Variants in CATSPERB observed in about 807,000 individuals in gnomAD.
The protein encoded by CATSPERB is cation channel sperm-associated auxiliary subunit beta.
In CATSPERB, 93 loss-of-function variants were observed where a neutral mutation model predicts 128.3. That is an observed-to-expected ratio of 0.72 (90% CI 0.61 to 0.86). The LOEUF is 0.86. Ranked by LOEUF, CATSPERB falls within the 40% of genes least tolerant of loss-of-function variation. CATSPERB has a pLI of 0.00. For synonymous variants in CATSPERB, 381 were observed against 448.8 expected (o/e 0.85, Z 1.91); for missense variants, 1,153 against 1,329.5 (o/e 0.87, Z 2.06).
At chr14:91,597,992 T>G (rs959550119) in intron 22 of CATSPERB, among the ~76,000 whole-genome samples, 10 of 150,596 alleles carry the variant, frequency 6.6e-5, no homozygotes, top group African/African-American at 2.2e-4. Context: ...AAGTTTTTGT[T>G]TTTTTTTTTA....
At chr14:91,729,369 G>A in intron 2 of CATSPERB, 32 bp downstream of exon 2, 1 of 1,006,342 alleles carries the variant, frequency 9.9e-7, no homozygotes, top group Non-Finnish European at 1.5e-6. Context: ...CTCCTGAGAA[G>A]GAAATAGAGA....
intron 22 of CATSPERB, among the ~76,000 whole-genome samples, chr14:91,599,223 T>G (rs1893565459): frequency 6.6e-6 from 1 of 152,166 alleles, no homozygotes; most frequent in African/African-American, 2.4e-5. Context: ...GTTACCAAAA[T>G]GTGAACCTAG....
At chr14:91,653,129 T>C (rs1243866606) in intron 15 of CATSPERB, among the ~76,000 whole-genome samples, 1 of 152,180 alleles carries the variant, frequency 6.6e-6, no homozygotes, top group East Asian at 1.9e-4. Flanking sequence ...AGAAACTTCG[T>C]CATTTAAAAT....
At chr14:91,624,505 G>T (rs557907996) in intron 18 of CATSPERB, among the ~76,000 whole-genome samples, 1 of 152,136 alleles carries the variant, frequency 6.6e-6, no homozygotes, top group African/African-American at 2.4e-5. Flanking sequence ...GCTGGGTGTG[G>T]TGGCACATGC....
intron 19 of CATSPERB, 57 bp from the exon 20 acceptor site, chr14:91,617,793 A>C: frequency 8.3e-7 from 1 of 1,207,010 alleles, no homozygotes; most frequent in Non-Finnish European, 1.2e-6. Context: ...AACTCAATTG[A>C]ATAATGATTG....
At chr14:91,626,625 A>G (rs1246128650) in intron 17 of CATSPERB, among the ~76,000 whole-genome samples, 4 of 152,076 alleles carry the variant, frequency 2.6e-5, no homozygotes, top group African/African-American at 9.7e-5. Flanking sequence ...TGAGTGCTTC[A>G]TATGCGTGCT....
chr14:91,708,311 A>G, intron 5 of CATSPERB, 75 bp from the exon 6 acceptor site: 1 of 881,974 alleles, frequency 1.1e-6, no homozygotes, highest in Non-Finnish European at 1.8e-6. Flanking sequence ...GGATATGTGA[A>G]CATTACCAAC....
At chr14:91,717,396 G>A (rs1041397142) in intron 5 of CATSPERB, among the ~76,000 whole-genome samples, 1 of 152,196 alleles carries the variant, frequency 6.6e-6, no homozygotes, top group Non-Finnish European at 1.5e-5. Context: ...GGCAAATTAT[G>A]TAGTGTAAAT....
Position 91,651,960 on chromosome 14 carries a change from T to C in CATSPERB, c.1432+7877A>G, listed in dbSNP as rs189778307. 3.2e-4 allele frequency among the ~76,000 whole-genome samples: 49 copies of C among 152,288 alleles called. 1 individual carries two copies. Among genetic ancestry groups the C allele is most frequent in the Admixed American group, 2.5e-3 (38 of 15,288 alleles). On this transcript the variant is annotated intron_variant, in intron 15 of 26. Coordinates refer to ENST00000256343, the MANE Select transcript of CATSPERB (RefSeq NM_024764.4). ...AAATTAGAGATTTTACTTTGATCTG[T>C]ATATAAAATCTAAAACAACCAATTT...
At chr14:91,597,314 T>G (rs1169567734) in intron 22 of CATSPERB, among the ~76,000 whole-genome samples, 2 of 152,178 alleles carry the variant, frequency 1.3e-5, no homozygotes, top group Non-Finnish European at 2.9e-5. Flanking sequence ...AAGTGATAAT[T>G]CCAGCATTCC....
chr14:91,691,364 C>A (rs966125881), intron 10 of CATSPERB, among the ~76,000 whole-genome samples, 159 bp downstream of exon 10: 4 of 151,866 alleles, frequency 2.6e-5, no homozygotes, highest in African/African-American at 9.7e-5. Context: ...ATATATGCTA[C>A]AAATTCATAT....
Position 91,589,526 on chromosome 14 carries a change from A to G in CATSPERB, c.2956+8T>C. On this transcript the variant is annotated splice_region_variant and intron_variant, in intron 24 of 26. Transcript: ENST00000256343. ...GATAAAATAATTACAGATGAAAGCA[A>G]ACCCTACTCAGTTTCCAGTTGTGCC... The G allele has an allele frequency of 2.5e-6, 4 of 1,607,434 alleles. 1 individual carries two copies. The South Asian group carries it at 4.5e-5, about 18-fold the overall frequency.
chr14:91,690,970 T>C (rs1439825956), intron 10 of CATSPERB, among the ~76,000 whole-genome samples: 1 of 152,264 alleles, frequency 6.6e-6, no homozygotes, highest in Admixed American at 6.5e-5. Flanking sequence ...GGGAATGACC[T>C]AGTTCATTAA....
chr14:91,600,443 G>T (rs1347889536), intron 22 of CATSPERB, among the ~76,000 whole-genome samples: 1 of 152,132 alleles, frequency 6.6e-6, no homozygotes, highest in Admixed American at 6.6e-5. Flanking sequence ...CTGCTATAAA[G>T]AAATACCTGA....
chr14:91,592,155 A>G (rs1035745784), intron 22 of CATSPERB, 153 bp from the exon 23 acceptor site: 1 of 645,878 alleles, frequency 1.5e-6, no homozygotes, highest in African/African-American at 1.8e-5. Flanking sequence ...AAGTAAGAAT[A>G]GAAGTACAGT....
At chr14:91,666,445 C>T (rs1257388580) in intron 14 of CATSPERB, among the ~76,000 whole-genome samples, 2 of 152,152 alleles carry the variant, frequency 1.3e-5, no homozygotes, top group Admixed American at 1.3e-4. Context: ...AAAGCAGGCC[C>T]TAGTACAAGC....
intron 14 of CATSPERB, among the ~76,000 whole-genome samples, chr14:91,666,480 A>G (rs566130670): frequency 2.0e-5 from 3 of 152,328 alleles, no homozygotes; most frequent in Admixed American, 1.3e-4. Context: ...TTCCCACAGG[A>G]CAAAACTTCT....
chr14:91,665,562 G>A (rs577749335), intron 14 of CATSPERB, among the ~76,000 whole-genome samples: 132 of 152,220 alleles, frequency 8.7e-4, no homozygotes, highest in Non-Finnish European at 1.5e-3. Flanking sequence ...GGTCAAAGAA[G>A]AAATTAGAGA....
intron 10 of CATSPERB, among the ~76,000 whole-genome samples, chr14:91,686,316 C>T (rs1488201943): frequency 6.6e-6 from 1 of 152,078 alleles, no homozygotes; most frequent in Non-Finnish European, 1.5e-5. Flanking sequence ...TCATTCTTGT[C>T]TGAATAAGCA....
Sources: allele counts gnomAD v4.1 joint callset (sites outside exome capture counted in the v4.1 genomes callset), GRCh38; gene constraint gnomAD v4.1.1; transcripts MANE v1.5; gene names NCBI Gene and HGNC (gene_info 2026-07-23, HGNC 2026-07-21).